The following CCSER1 variants were observed in gnomAD, a reference collection of about 807,000 sequenced individuals.
The protein encoded by CCSER1 is serine-rich coiled-coil domain-containing protein 1.
Under a neutral mutation model 82.0 loss-of-function variants are expected in CCSER1, and 41 were observed. The observed-to-expected ratio is 0.50, with a 90% CI of 0.39 to 0.65. The LOEUF (loss-of-function observed/expected upper bound fraction) is 0.65, where lower values mean the gene tolerates loss of function less well. Ranked by LOEUF, CCSER1 falls within the 30% of genes least tolerant of loss-of-function variation. The probability of loss-of-function intolerance (pLI) is 0.00; values close to 1 mark genes in which losing one functional copy is unlikely to be tolerated. For missense variants in CCSER1, 1,119 were observed against 1,064.2 expected (o/e 1.05, Z -0.72); for synonymous variants, 414 against 383.9 (o/e 1.08, Z -0.92).
chr4:91,119,519 T>G (rs535217037), intron 10 of CCSER1, among the ~76,000 whole-genome samples: 1 of 152,026 alleles, frequency 6.6e-6, no homozygotes, highest in African/African-American at 2.4e-5. Flanking sequence ...AAAAAGAAAA[T>G]AATAGTTAAC....
intron 10 of CCSER1, among the ~76,000 whole-genome samples, chr4:91,469,526 T>A (rs896767298): frequency 6.6e-6 from 1 of 152,120 alleles, no homozygotes; most frequent in Admixed American, 6.6e-5. Context: ...CTGTTATCCT[T>A]CACATTGACT....
intron 10 of CCSER1, among the ~76,000 whole-genome samples, chr4:91,504,236 T>A (rs1156256087): frequency 6.6e-6 from 1 of 152,192 alleles, no homozygotes; most frequent in Non-Finnish European, 1.5e-5. Flanking sequence ...GGTATACATT[T>A]GAGAGTCAAA....
At chr4:90,876,150 GT>G (rs1352371650) in intron 8 of CCSER1, among the ~76,000 whole-genome samples, 2 of 151,986 alleles carry the variant, frequency 1.3e-5, no homozygotes, top group East Asian at 1.9e-4. Context: ...CTCCAGGAAA[GT>G]TTTTCCCCCT....
At chr4:91,564,798 T>C (rs1762807465) in intron 10 of CCSER1, among the ~76,000 whole-genome samples, 2 of 152,056 alleles carry the variant, frequency 1.3e-5, no homozygotes, top group African/African-American at 4.8e-5. Flanking sequence ...TTCAGAAGCA[T>C]AGTTTGCAAA....
At chr4:90,510,142 A>G (rs2153616516) in intron 5 of CCSER1, among the ~76,000 whole-genome samples, 1 of 152,328 alleles carries the variant, frequency 6.6e-6, no homozygotes, top group South Asian at 2.1e-4. Context: ...AGGCAAAAAT[A>G]AATGAAATGG....
At chr4:90,422,960 G>A (rs1435272306) in intron 4 of CCSER1, among the ~76,000 whole-genome samples, 3 of 152,070 alleles carry the variant, frequency 2.0e-5, no homozygotes, top group South Asian at 2.1e-4. Context: ...TTCCATATTC[G>A]ATAATGATGA....
chr4:90,796,531 G>C (rs984256082), intron 7 of CCSER1, among the ~76,000 whole-genome samples: 11 of 151,242 alleles, frequency 7.3e-5, no homozygotes, highest in African/African-American at 2.7e-4. Context: ...CTAGCTTTGT[G>C]ATTTGTTTCC....
chr4:91,278,914 G>A (rs79492185), intron 10 of CCSER1, among the ~76,000 whole-genome samples: 2,348 of 152,076 alleles, frequency 0.015, 83 homozygotes, highest in African/African-American at 0.054. Context: ...TCATTCCCAC[G>A]TGTAGAACTC....
At chr4:91,534,852 GA>G (rs1238840341) in intron 10 of CCSER1, among the ~76,000 whole-genome samples, 2 of 151,788 alleles carry the variant, frequency 1.3e-5, no homozygotes, top group Non-Finnish European at 2.9e-5. Flanking sequence ...AATTATGAAT[GA>G]AAGACTGAAA....
At chr4:90,749,252 A>G (rs1207258251) in intron 7 of CCSER1, among the ~76,000 whole-genome samples, 1 of 151,862 alleles carries the variant, frequency 6.6e-6, no homozygotes, top group African/African-American at 2.4e-5. Flanking sequence ...AGCTTTCTAC[A>G]TGTGGCTAGC....
chr4:91,507,164 C>A (rs561017825), intron 10 of CCSER1, among the ~76,000 whole-genome samples: 45 of 152,198 alleles, frequency 3.0e-4, no homozygotes, highest in African/African-American at 1.1e-3. Context: ...AATCCATGAT[C>A]ACATGGTAAC....
intron 1 of CCSER1, among the ~76,000 whole-genome samples, chr4:90,296,046 A>T (rs1271823517): frequency 3.3e-5 from 5 of 152,100 alleles, no homozygotes; most frequent in Non-Finnish European, 7.4e-5. Flanking sequence ...ATATATTTTA[A>T]GATGTGTGCT....
intron 1 of CCSER1, among the ~76,000 whole-genome samples, chr4:90,258,724 G>A (rs1283282676): frequency 6.6e-6 from 1 of 152,006 alleles, no homozygotes; most frequent in Admixed American, 6.6e-5. Context: ...TATTTCAATA[G>A]TTTTTGGGGT....
At chr4:90,289,434 A>T (rs1730518888) in intron 1 of CCSER1, among the ~76,000 whole-genome samples, 1 of 151,942 alleles carries the variant, frequency 6.6e-6, no homozygotes, top group Non-Finnish European at 1.5e-5. Context: ...AAATTGTTCA[A>T]AATATCTCTG....
intron 6 of CCSER1, among the ~76,000 whole-genome samples, chr4:90,634,880 G>A (rs13127246): frequency 0.079 from 11,923 of 151,704 alleles, 526 homozygotes; most frequent in Middle Eastern, 0.15. Flanking sequence ...AGGAAAATTA[G>A]AAAAACAAGT....
At chr4:91,520,426 T>G (rs1005330492) in intron 10 of CCSER1, among the ~76,000 whole-genome samples, 1 of 152,274 alleles carries the variant, frequency 6.6e-6, no homozygotes, top group South Asian at 2.1e-4. Context: ...TATAGTTTTT[T>G]CCCTACCCTC....
chr4:90,438,677 A>T (rs1759402193), intron 4 of CCSER1, among the ~76,000 whole-genome samples: 1 of 152,204 alleles, frequency 6.6e-6, no homozygotes, highest in East Asian at 1.9e-4. Context: ...ACAAAGATTT[A>T]TTGAAGGAAA....
rs1578414625 is a variant in CCSER1, at chr4:91,422,255, A to G, written c.2218-176317A>G. On this transcript the variant is annotated intron_variant, in intron 10 of 10. Coordinates refer to ENST00000509176, the MANE Select transcript of CCSER1 (RefSeq NM_001145065.2). The stretch of plus-strand genomic sequence containing the variant: ...CCCTGTACATTAAGTTATTGATTGT[A>G]TGGTTGAATATCTTTGCTCCTCCCT... 4.0e-5 allele frequency among the ~76,000 whole-genome samples: 6 copies of G among 151,866 alleles called. 1 individual carries two copies. The Middle Eastern group carries it at 0.02, about 517-fold the overall frequency.
intron 10 of CCSER1, among the ~76,000 whole-genome samples, chr4:91,295,066 G>A (rs896030872): frequency 3.3e-5 from 5 of 151,924 alleles, no homozygotes; most frequent in Admixed American, 6.6e-5. Flanking sequence ...TCTTGCCTTA[G>A]GTGCTTGCTT....
Sources: gnomAD v4.1 joint callset for allele counts (sites outside exome capture counted in the v4.1 genomes callset) on GRCh38, gnomAD v4.1.1 for gene constraint, MANE v1.5 for transcripts, NCBI Gene and HGNC (gene_info 2026-07-23, HGNC 2026-07-21) for gene names.